DNAH7: variants seen among roughly 807,000 people sequenced by gnomAD.
DNAH7 encodes the protein dynein axonemal heavy chain 7.
Under a neutral mutation model 444.6 loss-of-function variants are expected in DNAH7, and 397 were observed. The ratio of observed to expected loss-of-function variants is 0.89; its 90% CI spans 0.82 to 0.97. DNAH7 has a LOEUF of 0.97. Among genes scored for constraint, DNAH7 ranks in the 50% least tolerant of loss-of-function variants. The pLI is 0.00. For missense variants in DNAH7, 4,902 were observed against 4,800.8 expected (o/e 1.02, Z -0.62); for synonymous variants, 1,636 against 1,624.4 (o/e 1.01, Z -0.17).
At chr2:195,998,013 T>C (rs1359089109) in intron 12 of DNAH7, among the ~76,000 whole-genome samples, 1 of 152,144 alleles carries the variant, frequency 6.6e-6, no homozygotes, top group Non-Finnish European at 1.5e-5. Context: ...ACAAGTACCT[T>C]TGAACCTAAA....
chr2:196,051,053 C>T, intron 3 of DNAH7, 134 bp downstream of exon 3: 1 of 748,978 alleles, frequency 1.3e-6, no homozygotes, highest in Non-Finnish European at 2.3e-6. Context: ...TCCTAATATG[C>T]ACACCTCATA....
chr2:195,926,439 G>A lies in DNAH7; in HGVS notation c.3599C>T (p.Pro1200Leu), dbSNP rs760420578. Residue 1200 changes from proline (P) to leucine (L), a missense_variant, in exon 22 of 65, where the codon CCA becomes CTA. Physicochemically the swap from Pro to Leu is moderately conservative, Grantham distance 98. Transcript: ENST00000312428. Reference sequence around the variant, plus strand: ...ATAAAACCTTACCTTTATCCCCATTGGAATAGCTGTTTGTACTTCTTTTGT... The same window carrying A: ...ATAAAACCTTACCTTTATCCCCATTAGAATAGCTGTTTGTACTTCTTTTGT... ...FWTKEVQTAI[P>L]MGIKALEQYL... 12 of 1,582,626 alleles carry A rather than the reference G, an allele frequency of 7.6e-6. No homozygotes were observed. The highest frequency in any genetic ancestry group is 4.7e-5 in the East Asian group (2 of 42,392).
chr2:196,065,030 TA>T (rs909834166), intron 1 of DNAH7, among the ~76,000 whole-genome samples: 9 of 152,284 alleles, frequency 5.9e-5, no homozygotes, highest in East Asian at 5.8e-4. Flanking sequence ...TTATTATCCA[TA>T]AAAAAATTTG....
intron 17 of DNAH7, among the ~76,000 whole-genome samples, chr2:195,968,763 C>T (rs777531722): frequency 2.0e-5 from 3 of 152,196 alleles, no homozygotes. Context: ...AGCACTTTAG[C>T]CCACAGTGGC....
At chr2:196,024,862 C>T (rs1013258191) in intron 7 of DNAH7, among the ~76,000 whole-genome samples, 14 of 151,288 alleles carry the variant, frequency 9.3e-5, no homozygotes, top group African/African-American at 1.9e-4. Flanking sequence ...TCTATTTCAC[C>T]GAGAAAAGGT....
At chr2:195,911,021 T>TGGACACCTCCACGGGTGAAA (rs1687327556) in intron 24 of DNAH7, among the ~76,000 whole-genome samples, 1 of 152,186 alleles carries the variant, frequency 6.6e-6, no homozygotes, top group South Asian at 2.1e-4. Context: ...CTGCTCCTTA[T>TGGACACCTCCACGGGTGAAA]GGACACCTCC....
At chr2:195,938,483 T>A (rs1458854998) in intron 19 of DNAH7, among the ~76,000 whole-genome samples, 2 of 151,530 alleles carry the variant, frequency 1.3e-5, no homozygotes, top group South Asian at 2.1e-4. Context: ...TATGCCTGTA[T>A]TTGTTTGGGG....
chr2:195,911,907 A>G (rs1012554109), intron 24 of DNAH7, among the ~76,000 whole-genome samples: 4 of 152,248 alleles, frequency 2.6e-5, no homozygotes, highest in Non-Finnish European at 4.4e-5. Context: ...AGCACTGGTG[A>G]GTAAAGAAAA....
At position 195,794,318 on chromosome 2, in the gene DNAH7, A is replaced by G. The variant is rs1318052918; in HGVS notation, c.10716+20T>C. The G allele has an allele frequency of 6.2e-7, 1 of 1,613,650 alleles. No individual in the cohort carries two copies. The highest frequency in any genetic ancestry group is 8.5e-7 in the Non-Finnish European group (1 of 1,179,610). ...AAGTGCTTTACAGGGCCGAGGTAAC[A>G]AGACTTAACCATTACTAACAGGCTT... On this transcript the variant is annotated intron_variant, in intron 57 of 64. Coordinates refer to ENST00000312428, the MANE Select transcript of DNAH7 (RefSeq NM_018897.3).
intron 46 of DNAH7, among the ~76,000 whole-genome samples, chr2:195,848,381 GCTC>G (rs750786317): frequency 1.2e-4 from 19 of 152,208 alleles, no homozygotes; most frequent in Non-Finnish European, 2.8e-4. Context: ...GAAATCATGT[GCTC>G]TTCTCATTGC....
At chr2:196,020,662 G>A (rs1181213180) in intron 8 of DNAH7, among the ~76,000 whole-genome samples, 1 of 149,880 alleles carries the variant, frequency 6.7e-6, no homozygotes, top group Non-Finnish European at 1.5e-5. Context: ...CCAGGCTGGA[G>A]TGCAGTGGCA....
At chr2:196,052,940 C>T (rs1697568765) in intron 2 of DNAH7, among the ~76,000 whole-genome samples, 1 of 152,186 alleles carries the variant, frequency 6.6e-6, no homozygotes, top group African/African-American at 2.4e-5. Flanking sequence ...ATGTGCTGGG[C>T]TCATAGACTA....
In DNAH7 at chr2:195,808,843, C is replaced by G. The variant is rs1324636187; in HGVS notation, c.9922G>C (p.Gly3308Arg). 1 of 1,613,558 alleles carries G rather than the reference C, an allele frequency of 6.2e-7. No homozygotes were observed. Among genetic ancestry groups the G allele is most frequent in the Admixed American group, 1.7e-5 (1 of 59,870 alleles). ...NKAEWRFLLT[G>R]GIGLDNPYAN... ...TAAGGATTATCCAGTCCAATGCCACCAGTTAGCAGAAATCTCCACTCAGCT... is the reference window on the plus strand; with the variant it reads ...TAAGGATTATCCAGTCCAATGCCACGAGTTAGCAGAAATCTCCACTCAGCT... Residue 3308 changes from glycine (G) to arginine (R), a missense_variant, in exon 53 of 65, where the codon GGT (glycine) becomes CGT (arginine). Transcript: ENST00000312428.
intron 22 of DNAH7, among the ~76,000 whole-genome samples, chr2:195,924,943 A>G (rs1187881088): frequency 4.6e-5 from 7 of 152,152 alleles, no homozygotes; most frequent in African/African-American, 1.7e-4. Flanking sequence ...TGCTTTTTCT[A>G]CTTTAAAAAC....
At chr2:195,990,376 T>C (rs1230862134) in intron 12 of DNAH7, among the ~76,000 whole-genome samples, 2 of 152,092 alleles carry the variant, frequency 1.3e-5, no homozygotes, top group African/African-American at 4.8e-5. Context: ...CAAAAATTAG[T>C]TACTGGCTGG....
chr2:195,875,901 T>C (rs904001142), intron 37 of DNAH7, 58 bp from the exon 38 acceptor site: 11 of 1,491,002 alleles, frequency 7.4e-6, no homozygotes, highest in South Asian at 1.4e-5. Context: ...TACAGTCCTA[T>C]TGTGTAAACA....
chr2:195,942,634 C>T (rs1046367238), intron 19 of DNAH7, among the ~76,000 whole-genome samples: 11 of 152,074 alleles, frequency 7.2e-5, no homozygotes, highest in African/African-American at 2.7e-4. Context: ...AGTATTTCTT[C>T]CCTGGACACT....
chr2:195,879,220 C>A (rs1046099436), intron 36 of DNAH7, among the ~76,000 whole-genome samples: 5 of 151,876 alleles, frequency 3.3e-5, no homozygotes, highest in African/African-American at 9.7e-5. Flanking sequence ...CAGATTAACA[C>A]AAATAAAAAA....
At chr2:195,904,345 AGAG>A (rs1686886337) in intron 27 of DNAH7, 1 of 152,490 alleles carries the variant, frequency 6.6e-6, no homozygotes, top group African/African-American at 2.4e-5. Flanking sequence ...CAGACAGGAA[AGAG>A]GAGGCTTAGA....
Sources: allele counts gnomAD v4.1 joint callset (sites outside exome capture counted in the v4.1 genomes callset), GRCh38; gene constraint gnomAD v4.1.1; transcripts MANE v1.5; gene names NCBI Gene and HGNC (gene_info 2026-07-23, HGNC 2026-07-21).